Variants in SLIT3 observed in about 807,000 individuals in gnomAD.
SLIT3 encodes the protein slit guidance ligand 3.
A neutral mutation model predicts 184.0 loss-of-function variants in SLIT3; 68 were observed. The ratio of observed to expected loss-of-function variants is 0.37; its 90% CI spans 0.30 to 0.45. SLIT3 has a LOEUF of 0.45. SLIT3 is among the 20% of genes least tolerant of loss of function. SLIT3 has a pLI of 1.00. For missense variants in SLIT3, 1,707 were observed against 2,026.0 expected, an observed-to-expected ratio of 0.84 and a Z score of 3.02; for synonymous variants, 831 against 828.6, an observed-to-expected ratio of 1.00 and a Z score of -0.05.
rs1349333360 is a variant in SLIT3 at position 168,666,171 on chromosome 5, A to C, written c.*283T>G. 1.1e-5 allele frequency: 3 copies of C among 270,420 alleles called. No homozygotes were observed. Among genetic ancestry groups the C allele is most frequent in the Admixed American group, 5.3e-5 (1 of 19,026 alleles). The allele number at this position is 270,420 out of a possible 1,614,324, so 16.8% of individuals were successfully genotyped here. ...TTTTTAAACAGCTATTTTTAAAAAC[A>C]CAACAAATACACAACACAAAACTTG... On this transcript the variant is annotated 3_prime_UTR_variant, in exon 36 of 36. Coordinates refer to ENST00000519560, the MANE Select transcript of SLIT3 (RefSeq NM_003062.4).
chr5:168,700,531 C>T, intron 27 of SLIT3, 51 bp downstream of exon 27: 1 of 1,241,708 alleles, frequency 8.1e-7, no homozygotes, highest in Non-Finnish European at 1.2e-6. Flanking sequence ...TCTTTATTAG[C>T]AGTGTGAGAG....
At chr5:169,166,371 G>C (rs533389822) in intron 4 of SLIT3, among the ~76,000 whole-genome samples, 32 of 152,296 alleles carry the variant, frequency 2.1e-4, no homozygotes, top group Admixed American at 8.5e-4. Context: ...AGGCCCATGA[G>C]AGCCATATTA....
intron 4 of SLIT3, chr5:169,037,728 G>T (rs955492132): frequency 6.6e-6 from 1 of 152,288 alleles, no homozygotes; most frequent in African/African-American, 2.4e-5. Context: ...GAGTGAGAGG[G>T]GACAGAGTAG....
intron 4 of SLIT3, among the ~76,000 whole-genome samples, chr5:168,969,813 A>AAACT (rs1754501115): frequency 2.0e-5 from 3 of 152,192 alleles, no homozygotes; most frequent in Non-Finnish European, 4.4e-5. Context: ...GGGGCTCTCA[A>AAACT]AACTAACATT....
intron 3 of SLIT3, among the ~76,000 whole-genome samples, chr5:169,215,747 A>G (rs1333280528): frequency 6.6e-6 from 1 of 152,338 alleles, no homozygotes; most frequent in African/African-American, 2.4e-5. Context: ...GAAAGATTGA[A>G]TAAATATTTG....
intron 4 of SLIT3, among the ~76,000 whole-genome samples, chr5:169,189,537 T>G (rs1387176774): frequency 2.8e-4 from 4 of 14,360 alleles, no homozygotes; most frequent in African/African-American, 8.6e-4. Context: ...GATATATATA[T>G]ATATATATAT....
At chr5:169,091,601 C>A (rs952509911) in intron 4 of SLIT3, among the ~76,000 whole-genome samples, 18 of 152,294 alleles carry the variant, frequency 1.2e-4, no homozygotes, top group African/African-American at 3.6e-4. Context: ...CTGAAGCAAG[C>A]AGCCTCACTG....
intron 4 of SLIT3, among the ~76,000 whole-genome samples, chr5:169,193,056 C>T (rs1217705076): frequency 6.6e-6 from 1 of 152,242 alleles, no homozygotes; most frequent in African/African-American, 2.4e-5. Context: ...AAGGCAGGAG[C>T]TGCTTCAACC....
At chr5:168,851,119 C>G (rs531007034) in intron 5 of SLIT3, among the ~76,000 whole-genome samples, 1 of 152,102 alleles carries the variant, frequency 6.6e-6, no homozygotes, top group Admixed American at 6.5e-5. Flanking sequence ...GTCAGAAGAT[C>G]GAGACCATCC....
chr5:168,767,991 C>T (rs1000966654), intron 14 of SLIT3, among the ~76,000 whole-genome samples: 2 of 152,154 alleles, frequency 1.3e-5, no homozygotes, highest in African/African-American at 4.8e-5. Flanking sequence ...CTTCTCCAGA[C>T]CCATTTCCCT....
intron 4 of SLIT3, among the ~76,000 whole-genome samples, chr5:169,176,298 A>T (rs1762981948): frequency 6.6e-6 from 1 of 152,288 alleles, no homozygotes; most frequent in African/African-American, 2.4e-5. Flanking sequence ...TACCTGAAAG[A>T]AGGTAGAATT....
chr5:169,251,879 C>A (rs993165179), intron 1 of SLIT3, among the ~76,000 whole-genome samples: 2 of 152,192 alleles, frequency 1.3e-5, no homozygotes, highest in African/African-American at 4.8e-5. Flanking sequence ...GACTCAAAAT[C>A]CCAATAACTG....
intron 4 of SLIT3, among the ~76,000 whole-genome samples, chr5:168,976,564 GA>G (rs1754769484): frequency 2.0e-5 from 3 of 152,178 alleles, no homozygotes; most frequent in Non-Finnish European, 4.4e-5. Flanking sequence ...ATTCCAGATA[GA>G]AAGCAGATTT....
In SLIT3 at chr5:168,912,262, A is replaced by T. The variant is rs189609831; in HGVS notation, c.414-28926T>A. ...GTGTATTATACATACAACAAACAAA[A>T]TATGTGTTAATTGACTGTTTATGTT... On this transcript the variant is annotated intron_variant, in intron 4 of 35. Coordinates refer to ENST00000519560, the MANE Select transcript of SLIT3 (RefSeq NM_003062.4). Among the ~76,000 whole-genome samples, 4 of 152,316 alleles carry T rather than the reference A, an allele frequency of 2.6e-5. No homozygotes were observed. The East Asian group carries it at 5.8e-4, about 22-fold the overall frequency.
At chr5:169,100,891 C>T (rs1278256318) in intron 4 of SLIT3, among the ~76,000 whole-genome samples, 1 of 152,212 alleles carries the variant, frequency 6.6e-6, no homozygotes, top group Non-Finnish European at 1.5e-5. Context: ...GTCAACAAAC[C>T]CTGCTGGCAA....
intron 4 of SLIT3, among the ~76,000 whole-genome samples, chr5:169,166,447 G>A (rs189737963): frequency 7.2e-5 from 11 of 152,218 alleles, no homozygotes; most frequent in African/African-American, 2.4e-4. Context: ...CAGAAACAGC[G>A]AGAGTCCCAG....
At chr5:168,820,860 T>C (rs1339648261) in intron 7 of SLIT3, among the ~76,000 whole-genome samples, 4 of 152,182 alleles carry the variant, frequency 2.6e-5, no homozygotes, top group African/African-American at 9.6e-5. Flanking sequence ...AAAATGTGGC[T>C]TTCTAAATTC....
At chr5:169,146,042 C>A (rs1366188581) in intron 4 of SLIT3, among the ~76,000 whole-genome samples, 1 of 152,172 alleles carries the variant, frequency 6.6e-6, no homozygotes, top group Admixed American at 6.5e-5. Context: ...CAGAGCAATA[C>A]TCTGTCTCAA....
chr5:168,809,777 G>T (rs375064631), intron 8 of SLIT3, among the ~76,000 whole-genome samples: 4 of 152,206 alleles, frequency 2.6e-5, no homozygotes, highest in African/African-American at 9.6e-5. Context: ...TCGCCCAGAA[G>T]CCTGGCACAT....
Sources: gnomAD v4.1 joint callset for allele counts (sites outside exome capture counted in the v4.1 genomes callset) on GRCh38, gnomAD v4.1.1 for gene constraint, MANE v1.5 for transcripts, NCBI Gene and HGNC (gene_info 2026-07-23, HGNC 2026-07-21) for gene names.